The following RGS8 variants were observed in gnomAD, a reference collection of about 807,000 sequenced individuals.
The protein encoded by RGS8 is regulator of G protein signaling 8, also known as regulator of G-protein signaling 8.
Under a neutral mutation model 21.7 loss-of-function variants are expected in RGS8, and 8 were observed. That is an observed-to-expected ratio of 0.37 (90% CI 0.22 to 0.66). RGS8 has a LOEUF of 0.66. Ranked by LOEUF, RGS8 falls within the 30% of genes least tolerant of loss-of-function variation. RGS8 has a pLI of 0.59. For missense variants in RGS8, 157 were observed against 217.9 expected (o/e 0.72, Z 1.76); for synonymous variants, 80 against 83.6 (o/e 0.96, Z 0.24).
At chr1:182,713,576 A>G in the RGS8 span, among the ~76,000 whole-genome samples, 1 of 152,196 alleles carries the variant, frequency 6.6e-6, no homozygotes, top group Admixed American at 6.5e-5. Flanking sequence ...CACTGACCAC[A>G]GGATGAACCT....
At chr1:182,645,959 T>C (rs1662684854), downstream of RGS8, 1 of 152,244 alleles carries the variant, frequency 6.6e-6, no homozygotes, top group African/African-American at 2.4e-5. Context: ...CCTCGTCTCT[T>C]GACTTCTGGA....
chr1:182,746,483 A>G, the RGS8 span, among the ~76,000 whole-genome samples: 16 of 152,246 alleles, frequency 1.1e-4, 1 homozygote, highest in East Asian at 2.5e-3. Context: ...CCTGGCCAAC[A>G]TGATGAAACC....
chr1:182,707,729 G>A, the RGS8 span, among the ~76,000 whole-genome samples: 1 of 152,118 alleles, frequency 6.6e-6, no homozygotes, highest in African/African-American at 2.4e-5. Flanking sequence ...TTGTTTTTGA[G>A]ATGGAGTCGC....
chr1:182,743,577 C>A, the RGS8 span, among the ~76,000 whole-genome samples: 1 of 152,114 alleles, frequency 6.6e-6, no homozygotes, highest in Admixed American at 6.5e-5. Flanking sequence ...CCCTACTGAC[C>A]CTTCCAGCAT....
chr1:182,722,346 C>T, the RGS8 span, among the ~76,000 whole-genome samples: 2 of 117,014 alleles, frequency 1.7e-5, no homozygotes, highest in Admixed American at 1.1e-4. Flanking sequence ...TTTCTTGGGG[C>T]TGCCATAGCA....
At chr1:182,702,805 T>C in the RGS8 span, among the ~76,000 whole-genome samples, 1 of 152,176 alleles carries the variant, frequency 6.6e-6, no homozygotes, top group Non-Finnish European at 1.5e-5. Flanking sequence ...GATGACTCAA[T>C]ATTTTGAAAG....
chr1:182,741,697 C>T, the RGS8 span, among the ~76,000 whole-genome samples: 4 of 105,414 alleles, frequency 3.8e-5, no homozygotes, highest in Admixed American at 8.8e-5. Flanking sequence ...CCAGTAGGGG[C>T]GGCCGGGCAG....
At chr1:182,690,701 A>G in the RGS8 span, among the ~76,000 whole-genome samples, 15 of 152,234 alleles carry the variant, frequency 9.9e-5, no homozygotes, top group Admixed American at 2.6e-4. Context: ...GTGATTTGAT[A>G]AAACCATTAC....
chr1:182,749,834 G>A, the RGS8 span, among the ~76,000 whole-genome samples: 62 of 152,182 alleles, frequency 4.1e-4, 1 homozygote, highest in East Asian at 0.011. Flanking sequence ...CCATCACCTA[G>A]GTATTAAGCC....
the RGS8 span, chr1:182,734,705 C>T: frequency 2.6e-5 from 4 of 152,120 alleles, no homozygotes; most frequent in Admixed American, 2.0e-4. Context: ...CCTAAATACC[C>T]AAGTTAGGAA....
At chr1:182,669,365 C>T (rs1184985838) in intron 3 of RGS8, among the ~76,000 whole-genome samples, 2 of 152,230 alleles carry the variant, frequency 1.3e-5, no homozygotes, top group African/African-American at 4.8e-5. Context: ...TCATCCCACC[C>T]CACAAGTCAC....
chr1:182,721,137 A>T, the RGS8 span, among the ~76,000 whole-genome samples: 1 of 150,336 alleles, frequency 6.7e-6, no homozygotes, highest in Non-Finnish European at 1.5e-5. Context: ...TCCCTGATTT[A>T]GTCTTCTTTA....
chr1:182,705,957 T>G, the RGS8 span, among the ~76,000 whole-genome samples: 1 of 152,120 alleles, frequency 6.6e-6, no homozygotes, highest in Non-Finnish European at 1.5e-5. Context: ...CCCTGAGAAA[T>G]GTTTTGGAGA....
rs189566997 is a variant in RGS8 at position 182,646,609 on chromosome 1, C to T, written c.*126G>A. ...CTTTGGAATGGCCCTTCATTCCCTC[C>T]TCACCCCCAGCCTCCCACCCCCAAT... On this transcript the variant is annotated 3_prime_UTR_variant, in exon 7 of 7. Transcript: ENST00000483095. 1.0e-3 allele frequency: 850 copies of T among 834,050 alleles called. 11 individuals carry two copies. The highest frequency in any genetic ancestry group is 7.4e-5 in the Non-Finnish European group (39 of 528,430). The allele number at this position is 834,050 out of a possible 1,614,324, so 51.7% of individuals were successfully genotyped here. A position where few individuals can be genotyped will look rare whatever the true frequency, so the allele number is the denominator to read the frequency against.
chr1:182,751,386 T>C, the RGS8 span, among the ~76,000 whole-genome samples: 1 of 152,204 alleles, frequency 6.6e-6, no homozygotes, highest in Non-Finnish European at 1.5e-5. Context: ...CATATATGTG[T>C]TGAGAACCCT....
the RGS8 span, among the ~76,000 whole-genome samples, chr1:182,721,059 G>GTGTATATATACATATATACACATATATA: frequency 2.0e-5 from 2 of 100,284 alleles, 1 homozygote; most frequent in Non-Finnish European, 3.9e-5. Flanking sequence ...ACATATATAT[G>GTGTATATATACATATATACACATATATA]TGTGTATATA....
upstream of RGS8, among the ~76,000 whole-genome samples, chr1:182,676,064 C>T (rs1299921873): frequency 9.2e-5 from 14 of 152,152 alleles, no homozygotes; most frequent in African/African-American, 3.4e-4. Flanking sequence ...CAACAGAATG[C>T]TAATGACACT....
At chr1:182,730,616 C>T in the RGS8 span, among the ~76,000 whole-genome samples, 3 of 151,458 alleles carry the variant, frequency 2.0e-5, no homozygotes, top group East Asian at 3.9e-4. Flanking sequence ...AGCCAGAGGC[C>T]GAAGAATTGC....
the RGS8 span, among the ~76,000 whole-genome samples, chr1:182,699,137 G>A: frequency 3.6e-3 from 551 of 152,282 alleles, 3 homozygotes; most frequent in African/African-American, 0.013. Flanking sequence ...ATTAAAAGCC[G>A]CCTCTCCAGC....
Sources: gnomAD v4.1 joint callset for allele counts (sites outside exome capture counted in the v4.1 genomes callset) on GRCh38, gnomAD v4.1.1 for gene constraint, MANE v1.5 for transcripts, NCBI Gene and HGNC (gene_info 2026-07-23, HGNC 2026-07-21) for gene names.